The following NTAQ1 variants were observed in gnomAD, a reference collection of about 807,000 sequenced individuals.
The protein encoded by NTAQ1 is N-terminal glutamine amidase 1.
In NTAQ1, 21 loss-of-function variants were observed where a neutral mutation model predicts 28.2. The observed-to-expected ratio is 0.74, with a 90% CI of 0.53 to 1.07. The LOEUF is 1.07. Ranked by LOEUF, NTAQ1 falls within the 50% of genes least tolerant of loss-of-function variation. The pLI is 0.00. For synonymous variants in NTAQ1, 105 were observed against 90.0 expected (o/e 1.17, Z -0.94); for missense variants, 264 against 256.6 (o/e 1.03, Z -0.20).
chr8:123,473,443 A>G (rs1324506119), downstream of NTAQ1, among the ~76,000 whole-genome samples: 1 of 152,004 alleles, frequency 6.6e-6, no homozygotes. Context: ...CTACAGGCAC[A>G]TGCCACCACA....
At chr8:123,438,155 T>C (rs1339670507) in intron 5 of NTAQ1, 6 of 702,036 alleles carry the variant, frequency 8.5e-6, no homozygotes, top group Non-Finnish European at 1.6e-5. Flanking sequence ...GTTGATAATT[T>C]CCTGACATTT....
chr8:123,466,671 A>G (rs1057417923), intron 6 of NTAQ1, among the ~76,000 whole-genome samples: 4 of 152,160 alleles, frequency 2.6e-5, no homozygotes, highest in African/African-American at 9.7e-5. Flanking sequence ...CCCCCTGGCA[A>G]ACTGTATACA....
exon 7 of NTAQ1, among the ~76,000 whole-genome samples, chr8:123,467,812 C>T (rs747928368): frequency 5.3e-5 from 8 of 152,160 alleles, no homozygotes; most frequent in Non-Finnish European, 7.3e-5. Flanking sequence ...TGCAATGGCA[C>T]GGTCTCGGCT....
At chr8:123,447,212 T>C (rs1355132258), downstream of NTAQ1, among the ~76,000 whole-genome samples, 1 of 152,158 alleles carries the variant, frequency 6.6e-6, no homozygotes, top group African/African-American at 2.4e-5. Flanking sequence ...TAAAAAAAAT[T>C]ATACTTACAT....
intron 6 of NTAQ1, among the ~76,000 whole-genome samples, chr8:123,453,359 T>C (rs1164067964): frequency 1.3e-5 from 2 of 152,046 alleles, no homozygotes. Flanking sequence ...GAGGCTCAAA[T>C]GAGATTGTGT....
chr8:123,445,274 C>T (rs1815231024), downstream of NTAQ1, among the ~76,000 whole-genome samples: 1 of 149,044 alleles, frequency 6.7e-6, no homozygotes, highest in South Asian at 2.2e-4. Flanking sequence ...TGTTTCCCCA[C>T]CCCCCCGACA....
At chr8:123,449,760 A>T (rs1002494304), downstream of NTAQ1, among the ~76,000 whole-genome samples, 37 of 149,730 alleles carry the variant, frequency 2.5e-4, no homozygotes, top group African/African-American at 9.1e-4. Flanking sequence ...GTCAAATAGG[A>T]GTTGGTAGCC....
chr8:123,450,048 T>C (rs1815444028), downstream of NTAQ1, among the ~76,000 whole-genome samples: 1 of 144,390 alleles, frequency 6.9e-6, no homozygotes, highest in African/African-American at 2.6e-5. Flanking sequence ...CATCTGTTAA[T>C]AGATGACATT....
intron 3 of NTAQ1, among the ~76,000 whole-genome samples, chr8:123,430,717 G>C (rs572586223): frequency 5.9e-5 from 9 of 152,294 alleles, no homozygotes; most frequent in African/African-American, 1.9e-4. Context: ...GGAGGTGGAG[G>C]CTGCAGCGAG....
chr8:123,452,629 C>T (rs755454835), downstream of NTAQ1, among the ~76,000 whole-genome samples: 2 of 151,448 alleles, frequency 1.3e-5, no homozygotes, highest in South Asian at 2.1e-4. Context: ...AGGCTGGGCA[C>T]GGTGGCTCAT....
chr8:123,435,589 C>T (rs927716475), intron 3 of NTAQ1: 41 of 944,358 alleles, frequency 4.3e-5, no homozygotes, highest in Non-Finnish European at 5.2e-5. Flanking sequence ...CAGGTGGGGC[C>T]GGCACTGTGG....
chr8:123,444,214 G>GT (rs1815184823), downstream of NTAQ1, among the ~76,000 whole-genome samples: 1 of 152,086 alleles, frequency 6.6e-6, no homozygotes, highest in Non-Finnish European at 1.5e-5. Context: ...GCTTCTTTTT[G>GT]TTTGAGATGC....
intron 1 of NTAQ1, among the ~76,000 whole-genome samples, chr8:123,417,250 G>A (rs7836880): frequency 0.68 from 103,916 of 152,044 alleles, 35,881 homozygotes; most frequent in East Asian, 0.93. Context: ...AAATCTTTGG[G>A]GGTTACTCTG....
chr8:123,467,051 T>G (rs1274849556), intron 6 of NTAQ1: 1 of 148,384 alleles, frequency 6.7e-6, no homozygotes, highest in Non-Finnish European at 1.5e-5. Context: ...CTTTTCTTTC[T>G]TTCTTTTTCC....
chr8:123,453,196 G>A (rs1190637792), intron 6 of NTAQ1, among the ~76,000 whole-genome samples: 1 of 152,180 alleles, frequency 6.6e-6, no homozygotes. Flanking sequence ...CAGATGCTGA[G>A]GAGATCTTGT....
downstream of NTAQ1, among the ~76,000 whole-genome samples, chr8:123,452,441 A>T (rs1357569927): frequency 6.6e-6 from 1 of 152,220 alleles, no homozygotes; most frequent in Non-Finnish European, 1.5e-5. Context: ...TACTAAAAAT[A>T]TGAAAATTAG....
chr8:123,445,804 C>G (rs924277736), downstream of NTAQ1, among the ~76,000 whole-genome samples: 3 of 151,800 alleles, frequency 2.0e-5, no homozygotes, highest in Middle Eastern at 3.4e-3. Context: ...CAGGGTTTCA[C>G]CATGTTGGCC....
chr8:123,451,901 C>T (rs1479630695), downstream of NTAQ1, among the ~76,000 whole-genome samples: 5 of 152,116 alleles, frequency 3.3e-5, no homozygotes, highest in Non-Finnish European at 7.4e-5. Flanking sequence ...GATTCTATTC[C>T]TTTTTTAGAT....
intron 1 of NTAQ1, among the ~76,000 whole-genome samples, chr8:123,423,748 A>G (rs1236544832): frequency 6.6e-6 from 1 of 151,864 alleles, no homozygotes; most frequent in African/African-American, 2.4e-5. Context: ...CGAAGTTTAC[A>G]TTTTTTTCTG....
Sources: gnomAD v4.1 joint callset for allele counts (sites outside exome capture counted in the v4.1 genomes callset) on GRCh38, gnomAD v4.1.1 for gene constraint, MANE v1.5 for transcripts, NCBI Gene and HGNC (gene_info 2026-07-23, HGNC 2026-07-21) for gene names.